The following EXOC4 variants were observed in gnomAD, a reference collection of about 807,000 sequenced individuals.
The protein encoded by EXOC4 is SEC8-like 1.
Under a neutral mutation model 107.2 loss-of-function variants are expected in EXOC4, and 71 were observed. The observed-to-expected ratio is 0.66, with a 90% CI of 0.55 to 0.81. The LOEUF is 0.81. EXOC4 is among the 30% of genes least tolerant of loss of function. The pLI, the probability that EXOC4 is intolerant of heterozygous loss-of-function variation, is 0.00. For synonymous variants in EXOC4, 456 were observed against 441.2 expected, an observed-to-expected ratio of 1.03 and a Z score of -0.42; for missense variants, 1,108 against 1,189.6, an observed-to-expected ratio of 0.93 and a Z score of 1.01.
intron 3 of EXOC4, among the ~76,000 whole-genome samples, chr7:133,302,294 C>G (rs979507635): frequency 1.3e-5 from 2 of 152,146 alleles, no homozygotes; most frequent in Non-Finnish European, 2.9e-5. Flanking sequence ...ATTTTCAATT[C>G]TAAAACAGAT....
At chr7:134,008,644 T>A (rs982826341) in intron 17 of EXOC4, among the ~76,000 whole-genome samples, 3 of 152,092 alleles carry the variant, frequency 2.0e-5, no homozygotes, top group Middle Eastern at 3.2e-3. Context: ...AGTTTTCTGA[T>A]CTTAATTTTT....
At chr7:133,956,324 A>G (rs1585276960) in intron 14 of EXOC4, among the ~76,000 whole-genome samples, 1 of 152,150 alleles carries the variant, frequency 6.6e-6, no homozygotes, top group Non-Finnish European at 1.5e-5. Context: ...CTCAAATAGG[A>G]TGGGATTTTC....
intron 7 of EXOC4, among the ~76,000 whole-genome samples, chr7:133,377,556 A>G (rs1035819993): frequency 6.6e-6 from 1 of 152,172 alleles, no homozygotes. Flanking sequence ...CTTAACAATT[A>G]TGTGGTTTAC....
intron 13 of EXOC4, among the ~76,000 whole-genome samples, chr7:133,918,654 G>A (rs1799866461): frequency 1.3e-5 from 2 of 152,148 alleles, no homozygotes; most frequent in South Asian, 4.1e-4. Flanking sequence ...TATTTACTTA[G>A]CCATGAAAGT....
chr7:134,083,524 G>A, the EXOC4 span, among the ~76,000 whole-genome samples: 3 of 152,204 alleles, frequency 2.0e-5, no homozygotes, highest in African/African-American at 7.2e-5. Context: ...AGAGTCACCT[G>A]ATGGTACTAA....
chr7:133,866,335 T>C (rs889736471), intron 11 of EXOC4, among the ~76,000 whole-genome samples: 5 of 152,130 alleles, frequency 3.3e-5, no homozygotes, highest in African/African-American at 7.2e-5. Context: ...TACCAGACAT[T>C]GACTAGATGC....
At chr7:133,485,878 A>G in intron 9 of EXOC4, among the ~76,000 whole-genome samples, 1 of 152,224 alleles carries the variant, frequency 6.6e-6, no homozygotes, top group East Asian at 1.9e-4. Context: ...TAAGGATAAT[A>G]AAACTCATGA....
intron 10 of EXOC4, among the ~76,000 whole-genome samples, chr7:133,686,120 C>CT (rs1794292967): frequency 6.6e-6 from 1 of 152,100 alleles, no homozygotes; most frequent in Non-Finnish European, 1.5e-5. Flanking sequence ...GAGACCTGAG[C>CT]TAGTACAGTC....
At chr7:133,747,793 C>T (rs1228305690) in intron 10 of EXOC4, among the ~76,000 whole-genome samples, 1 of 152,152 alleles carries the variant, frequency 6.6e-6, no homozygotes, top group African/African-American at 2.4e-5. Flanking sequence ...CCCGCTCCTT[C>T]ATCCCCACGC....
At chr7:133,966,825 A>G (rs536140893) in intron 14 of EXOC4, among the ~76,000 whole-genome samples, 249 of 152,316 alleles carry the variant, frequency 1.6e-3, no homozygotes, top group African/African-American at 5.7e-3. Context: ...GTGTATCAGG[A>G]TGATGCTGGC....
At chr7:133,271,544 T>C (rs1400788581) in intron 1 of EXOC4, among the ~76,000 whole-genome samples, 1 of 152,222 alleles carries the variant, frequency 6.6e-6, no homozygotes, top group Non-Finnish European at 1.5e-5. Context: ...CGTTGGAAGA[T>C]AGAGATGGTC....
In EXOC4 at chr7:134,008,130, TATAAG is replaced by T. The variant is rs1322472695; in HGVS notation, c.2687+304_2687+308del. Reference sequence around the variant, plus strand: ...GTATACATGCTCATTGCATAAAATATATAAGATAAGATACAAAGAAGAATATAAAC... The same window carrying T: ...GTATACATGCTCATTGCATAAAATATATAAGATACAAAGAAGAATATAAAC... On this transcript the variant is annotated intron_variant, in intron 17 of 17. Coordinates refer to ENST00000253861, the MANE Select transcript of EXOC4 (RefSeq NM_021807.4). Among the ~76,000 whole-genome samples the T allele has an allele frequency of 2.0e-5, 3 of 152,188 alleles. 1 individual carries two copies. The South Asian group carries it at 6.2e-4, about 32-fold the overall frequency.
rs200305664 is a variant in EXOC4 at position 133,412,444 on chromosome 7, A to AT, written c.1182+37449dup. On this transcript the variant is annotated intron_variant, in intron 7 of 17. Coordinates refer to ENST00000253861, the MANE Select transcript of EXOC4 (RefSeq NM_021807.4). Reference sequence around the variant, plus strand: ...TCTTTATTTGGGATAATGTCCAATTATTTTTTTCACTTTCAGGTATAAAGT... The same window carrying AT: ...TCTTTATTTGGGATAATGTCCAATTATTTTTTTTCACTTTCAGGTATAAAGT... Among the ~76,000 whole-genome samples the AT allele has an allele frequency of 8.3e-3, 1,254 of 151,832 alleles. 17 individuals are homozygous for AT. The highest frequency in any genetic ancestry group is 0.029 in the African/African-American group (1,202 of 41,416).
intron 2 of EXOC4, among the ~76,000 whole-genome samples, chr7:133,283,666 C>G (rs185883439): frequency 6.6e-6 from 1 of 152,228 alleles, no homozygotes; most frequent in East Asian, 1.9e-4. Flanking sequence ...GCCATATTTT[C>G]AGAGTGCAGT....
the EXOC4 span, among the ~76,000 whole-genome samples, chr7:134,095,253 G>C: frequency 6.6e-6 from 1 of 151,746 alleles, no homozygotes; most frequent in Non-Finnish European, 1.5e-5. Flanking sequence ...CTAGGAATAC[G>C]TATAACCAAG....
At chr7:134,099,522 CT>C in the EXOC4 span, among the ~76,000 whole-genome samples, 189 of 103,864 alleles carry the variant, frequency 1.8e-3, no homozygotes, top group African/African-American at 4.3e-3. Flanking sequence ...CATCACACTT[CT>C]TTTTTTTTTT....
intron 10 of EXOC4, among the ~76,000 whole-genome samples, chr7:133,653,787 G>A (rs752723333): frequency 6.6e-6 from 1 of 152,152 alleles, no homozygotes; most frequent in African/African-American, 2.4e-5. Flanking sequence ...AGAATTTGGA[G>A]TGAGCAAATT....
intron 9 of EXOC4, among the ~76,000 whole-genome samples, chr7:133,619,320 T>C (rs1802270962): frequency 6.6e-6 from 1 of 152,184 alleles, no homozygotes; most frequent in Admixed American, 6.5e-5. Context: ...ATAATTTCTT[T>C]CCAAATTTGG....
At chr7:133,945,531 T>C (rs1197688321) in intron 14 of EXOC4, among the ~76,000 whole-genome samples, 1 of 152,176 alleles carries the variant, frequency 6.6e-6, no homozygotes, top group Non-Finnish European at 1.5e-5. Context: ...CACCCAAATC[T>C]GATTAACAAC....
Sources: allele counts gnomAD v4.1 joint callset (sites outside exome capture counted in the v4.1 genomes callset), GRCh38; gene constraint gnomAD v4.1.1; transcripts MANE v1.5; gene names NCBI Gene and HGNC (gene_info 2026-07-23, HGNC 2026-07-21).